Variants in CNTN5 observed in about 807,000 individuals in gnomAD.
The protein encoded by CNTN5 is contactin-5.
CNTN5 carries 77 observed loss-of-function variants against 129.1 expected under a neutral mutation model. That is an observed-to-expected ratio of 0.60 (90% confidence interval 0.50 to 0.72). The LOEUF (loss-of-function observed/expected upper bound fraction) is 0.72, where lower values mean the gene tolerates loss of function less well. Among genes scored for constraint, CNTN5 ranks in the 30% least tolerant of loss-of-function variants. The probability of loss-of-function intolerance (pLI) is 0.00; values close to 1 mark genes in which losing one functional copy is unlikely to be tolerated. For missense variants in CNTN5, 1,478 were observed against 1,328.8 expected, an observed-to-expected ratio of 1.11 and a Z score of -1.75; for synonymous variants, 509 against 465.6, an observed-to-expected ratio of 1.09 and a Z score of -1.20.
chr11:99,836,302 C>T (rs1357953867), intron 4 of CNTN5, among the ~76,000 whole-genome samples: 1 of 134,080 alleles, frequency 7.5e-6, no homozygotes, highest in Non-Finnish European at 1.6e-5. Flanking sequence ...CCTCCCCCAA[C>T]CCCCGACAGG....
chr11:99,370,990 G>C (rs975013054), intron 2 of CNTN5, among the ~76,000 whole-genome samples: 1 of 152,180 alleles, frequency 6.6e-6, no homozygotes, highest in Non-Finnish European at 1.5e-5. Context: ...GAGGCAGGGC[G>C]CTGCTCCAGA....
chr11:99,806,292 A>G (rs919992992), intron 3 of CNTN5, among the ~76,000 whole-genome samples: 2 of 152,154 alleles, frequency 1.3e-5, no homozygotes, highest in Non-Finnish European at 2.9e-5. Context: ...GGAATTTTAC[A>G]TAGTATTTAC....
chr11:99,918,538 T>C (rs1024891770), intron 7 of CNTN5, among the ~76,000 whole-genome samples: 1 of 152,156 alleles, frequency 6.6e-6, no homozygotes, highest in African/African-American at 2.4e-5. Context: ...TCCTATTACG[T>C]TGTGAAAGAG....
chr11:100,042,687 T>G (rs911228035), intron 9 of CNTN5, among the ~76,000 whole-genome samples: 2 of 152,240 alleles, frequency 1.3e-5, no homozygotes, highest in East Asian at 3.8e-4. Context: ...CTTTCCATAC[T>G]TTCAAGAACT....
At chr11:99,956,392 C>T (rs1950802776) in intron 7 of CNTN5, among the ~76,000 whole-genome samples, 1 of 152,126 alleles carries the variant, frequency 6.6e-6, no homozygotes. Flanking sequence ...GTGTCCCTGT[C>T]TCACACCTTC....
chr11:100,237,166 G>A (rs1242975878), intron 16 of CNTN5, among the ~76,000 whole-genome samples: 2 of 145,386 alleles, frequency 1.4e-5, no homozygotes, highest in Admixed American at 7.0e-5. Flanking sequence ...TCCAGCCTGG[G>A]CGACAGAGCA....
intron 8 of CNTN5, among the ~76,000 whole-genome samples, chr11:99,999,598 G>GTGAT (rs1939716595): frequency 6.6e-6 from 1 of 152,172 alleles, no homozygotes; most frequent in Non-Finnish European, 1.5e-5. Context: ...AGTCAGTGTG[G>GTGAT]CGATTCCTCA....
intron 2 of CNTN5, among the ~76,000 whole-genome samples, chr11:99,414,460 T>G (rs2036543): frequency 4.0e-5 from 6 of 151,188 alleles, no homozygotes; most frequent in Non-Finnish European, 8.8e-5. Context: ...TGTGTGTATG[T>G]ATGCAGAATA....
chr11:100,247,300 T>C (rs1484746692), intron 16 of CNTN5, among the ~76,000 whole-genome samples: 3 of 152,172 alleles, frequency 2.0e-5, no homozygotes, highest in African/African-American at 7.2e-5. Context: ...AATAGACAGA[T>C]AATAAAAGTT....
At chr11:99,323,579 C>T (rs1865659352) in intron 1 of CNTN5, among the ~76,000 whole-genome samples, 1 of 151,616 alleles carries the variant, frequency 6.6e-6, no homozygotes, top group Admixed American at 6.6e-5. Context: ...TCAGTATTTC[C>T]ATATAGTAGG....
At chr11:100,002,764 T>C (rs1377248813) in intron 9 of CNTN5, among the ~76,000 whole-genome samples, 1 of 152,140 alleles carries the variant, frequency 6.6e-6, no homozygotes, top group Admixed American at 6.6e-5. Flanking sequence ...GTTTACAGTA[T>C]AGGTATTGAG....
At chr11:99,940,169 C>G (rs934813291) in intron 7 of CNTN5, among the ~76,000 whole-genome samples, 1 of 152,088 alleles carries the variant, frequency 6.6e-6, no homozygotes, top group African/African-American at 2.4e-5. Context: ...GACAGTCTCT[C>G]ATGACAAAGA....
chr11:99,342,335 A>G (rs1025131829), intron 2 of CNTN5, among the ~76,000 whole-genome samples: 2 of 152,080 alleles, frequency 1.3e-5, no homozygotes, highest in African/African-American at 4.8e-5. Flanking sequence ...CAATGCTACA[A>G]TGATAAACGC....
chr11:99,720,952 A>G (rs1400877210), intron 3 of CNTN5, among the ~76,000 whole-genome samples: 1 of 152,152 alleles, frequency 6.6e-6, no homozygotes, highest in African/African-American at 2.4e-5. Context: ...AGGGTGAAAG[A>G]TCTCTACAAC....
At chr11:99,735,053 T>C (rs1371205720) in intron 3 of CNTN5, among the ~76,000 whole-genome samples, 5 of 152,194 alleles carry the variant, frequency 3.3e-5, no homozygotes, top group South Asian at 2.1e-4. Flanking sequence ...TGTGTTATAA[T>C]AGAAAGTGAA....
intron 3 of CNTN5, among the ~76,000 whole-genome samples, chr11:99,618,276 G>T (rs946038924): frequency 6.6e-6 from 1 of 152,116 alleles, no homozygotes; most frequent in Non-Finnish European, 1.5e-5. Flanking sequence ...TATAAAAATT[G>T]TTGGAAGTTG....
At chr11:99,287,378 A>G (rs1203499194) in intron 1 of CNTN5, among the ~76,000 whole-genome samples, 1 of 152,110 alleles carries the variant, frequency 6.6e-6, no homozygotes, top group African/African-American at 2.4e-5. Context: ...ATGTAGCTTT[A>G]TCTGGAAAAA....
At chr11:100,069,206 G>T (rs926928437) in intron 10 of CNTN5, among the ~76,000 whole-genome samples, 16 of 152,098 alleles carry the variant, frequency 1.1e-4, no homozygotes, top group Admixed American at 1.3e-4. Context: ...AAAGTGGAAT[G>T]CAATAGCATG....
At chr11:99,851,096 C>T (rs1947859206) in intron 6 of CNTN5, among the ~76,000 whole-genome samples, 1 of 151,588 alleles carries the variant, frequency 6.6e-6, no homozygotes, top group Non-Finnish European at 1.5e-5. Context: ...CCCAACCTGC[C>T]TCATGGGCTT....
Sources: allele counts gnomAD v4.1 joint callset (sites outside exome capture counted in the v4.1 genomes callset), GRCh38; gene constraint gnomAD v4.1.1; transcripts MANE v1.5; gene names NCBI Gene and HGNC (gene_info 2026-07-23, HGNC 2026-07-21).